HTR4: variants seen among roughly 807,000 people sequenced by gnomAD.
HTR4 encodes 5-hydroxytryptamine receptor 4.
In HTR4, 16 loss-of-function variants were observed where a neutral mutation model predicts 36.8. The ratio of observed to expected loss-of-function variants is 0.43; its 90% confidence interval spans 0.29 to 0.66. The LOEUF is 0.66. HTR4 is among the 30% of genes least tolerant of loss of function. HTR4 has a pLI of 0.13. For missense variants in HTR4, 438 were observed against 490.9 expected (o/e 0.89, Z 1.02); for synonymous variants, 189 against 185.1 (o/e 1.02, Z -0.17).
intron 2 of HTR4, among the ~76,000 whole-genome samples, chr5:148,584,598 C>T (rs1228459917): frequency 4.6e-5 from 7 of 152,314 alleles, no homozygotes; most frequent in East Asian, 1.9e-4. Context: ...TAACTACCTT[C>T]CCAATAGCCA....
intron 4 of HTR4, among the ~76,000 whole-genome samples, chr5:148,536,953 T>C (rs569200948): frequency 6.6e-6 from 1 of 152,234 alleles, no homozygotes; most frequent in Admixed American, 6.5e-5. Context: ...CATCACCACA[T>C]GGCACATACT....
chr5:148,526,090 C>T (rs566726963), intron 4 of HTR4, among the ~76,000 whole-genome samples: 117 of 152,252 alleles, frequency 7.7e-4, no homozygotes, highest in African/African-American at 2.6e-3. Flanking sequence ...GAGGGATAAT[C>T]GCCCTATTGA....
intron 3 of HTR4, 100 bp downstream of exon 3, chr5:148,550,037 T>C: frequency 8.0e-7 from 1 of 1,257,052 alleles, no homozygotes; most frequent in South Asian, 1.6e-5. Context: ...GAATGTTTTC[T>C]TTCTTAATTA....
At chr5:148,594,917 C>T (rs187047183) in intron 2 of HTR4, among the ~76,000 whole-genome samples, 32 of 152,220 alleles carry the variant, frequency 2.1e-4, no homozygotes, top group Non-Finnish European at 2.1e-4. Flanking sequence ...TTTAATGTAA[C>T]AAGTTTTCCC....
intron 5 of HTR4, 79 bp from the exon 6 acceptor site, chr5:148,510,103 G>T: frequency 1.1e-6 from 1 of 882,646 alleles, no homozygotes. Context: ...GGGAAAAATG[G>T]GGAAGAGTGT....
chr5:148,597,495 C>T (rs1349560066), intron 2 of HTR4, among the ~76,000 whole-genome samples: 5 of 152,148 alleles, frequency 3.3e-5, no homozygotes, highest in Non-Finnish European at 7.4e-5. Context: ...ATGCCTGTCT[C>T]ATTCTTCTTC....
chr5:148,649,051 CA>C (rs1227858180), intron 1 of HTR4, among the ~76,000 whole-genome samples: 2 of 152,076 alleles, frequency 1.3e-5, no homozygotes, highest in South Asian at 2.1e-4. Flanking sequence ...CTAACTAATA[CA>C]AAAGTTTTCT....
At chr5:148,517,957 A>G (rs1757841997) in intron 5 of HTR4, among the ~76,000 whole-genome samples, 1 of 150,592 alleles carries the variant, frequency 6.6e-6, no homozygotes, top group Non-Finnish European at 1.5e-5. Flanking sequence ...CCTCTCCTAC[A>G]TTTCCCTCCC....
At chr5:148,598,203 G>C (rs1367146475) in intron 2 of HTR4, among the ~76,000 whole-genome samples, 2 of 152,020 alleles carry the variant, frequency 1.3e-5, no homozygotes, top group African/African-American at 4.8e-5. Context: ...GACTGATTTG[G>C]GGGAGGTTGG....
At position 148,534,852 on chromosome 5, in the gene HTR4, G is replaced by C. The variant is rs563805665; in HGVS notation, c.354-11506C>G. Among the ~76,000 whole-genome samples the C allele has an allele frequency of 3.3e-5, 5 of 152,102 alleles. No individual in the cohort carries two copies. The East Asian group carries it at 5.8e-4, about 18-fold the overall frequency. On this transcript the variant is annotated intron_variant, in intron 4 of 6. Transcript: ENST00000377888. The stretch of plus-strand genomic sequence containing the variant: ...ACCCTTGTCCACAACCACTACTAAG[G>C]TCCCTTCCTCTGCTGCCTCCAAGTG...
At position 148,451,123 on chromosome 5, in the gene HTR4, G is replaced by T. The variant is rs1423043710; in HGVS notation, c.*62C>A. On this transcript the variant is annotated 3_prime_UTR_variant, in exon 6 of 6. Transcript: ENST00000521530. Reference sequence around the variant, plus strand: ...TGATGAGGTTCAGAAGTGATGCCAGGGTGACCTGTTCATGCAAACATGAAT... The same window carrying T: ...TGATGAGGTTCAGAAGTGATGCCAGTGTGACCTGTTCATGCAAACATGAAT... The T allele has an allele frequency of 5.0e-6, 8 of 1,609,252 alleles. No individual in the cohort carries two copies. In the East Asian group the frequency reaches 1.6e-4, roughly 31 times the overall value.
Position 148,633,366 on chromosome 5 carries a change from T to A in HTR4, c.26+3623A>T, listed in dbSNP as rs193281918. On this transcript the variant is annotated intron_variant, in intron 2 of 6. Coordinates refer to ENST00000377888, the MANE Select transcript of HTR4 (RefSeq NM_000870.7). ...CAGAGAACATAGCGCATTGTATGTATCTTACTATTAGAATTCTTTTTTTTT... is the reference window on the plus strand; with the variant it reads ...CAGAGAACATAGCGCATTGTATGTAACTTACTATTAGAATTCTTTTTTTTT... Among the ~76,000 whole-genome samples the A allele has an allele frequency of 2.1e-3, 322 of 150,288 alleles. 2 individuals carry two copies. Among genetic ancestry groups the A allele is most frequent in the Middle Eastern group, 0.014 (4 of 292 alleles).
intron 2 of HTR4, among the ~76,000 whole-genome samples, chr5:148,578,653 T>G (rs1206000627): frequency 6.6e-5 from 10 of 152,094 alleles, no homozygotes; most frequent in Admixed American, 1.3e-4. Context: ...CTTCAAATCC[T>G]GGAGTCAATA....
chr5:148,550,430 A>G (rs1179189105), intron 2 of HTR4, among the ~76,000 whole-genome samples, 168 bp from the exon 3 acceptor site: 1 of 152,172 alleles, frequency 6.6e-6, no homozygotes, highest in African/African-American at 2.4e-5. Context: ...GTCGCTTGAC[A>G]TTTTATCCTG....
At chr5:148,646,780 A>G (rs897600274) in intron 1 of HTR4, among the ~76,000 whole-genome samples, 2 of 152,188 alleles carry the variant, frequency 1.3e-5, no homozygotes, top group South Asian at 2.1e-4. Flanking sequence ...ACATCACGCT[A>G]TCAGGAGGTT....
At chr5:148,592,289 C>CG (rs1761603165) in intron 2 of HTR4, among the ~76,000 whole-genome samples, 1 of 152,160 alleles carries the variant, frequency 6.6e-6, no homozygotes, top group African/African-American at 2.4e-5. Context: ...GGGTACTGGG[C>CG]TTAATTACTA....
At chr5:148,490,304 T>C (rs1477236842) in intron 6 of HTR4, among the ~76,000 whole-genome samples, 2 of 151,818 alleles carry the variant, frequency 1.3e-5, no homozygotes, top group African/African-American at 2.4e-5. Context: ...TAAGCATCTA[T>C]GGAGATATTT....
At chr5:148,638,363 T>C (rs957869909) in intron 1 of HTR4, among the ~76,000 whole-genome samples, 1 of 152,218 alleles carries the variant, frequency 6.6e-6, no homozygotes, top group African/African-American at 2.4e-5. Context: ...AATAATATTT[T>C]GCTGGAAATA....
chr5:148,523,346 C>T lies in HTR4; in HGVS notation c.354G>A (p.Arg118=). The T allele has an allele frequency of 1.9e-6, 3 of 1,605,040 alleles. No individual in the cohort carries two copies. The highest frequency in any genetic ancestry group is 2.5e-6 in the Non-Finnish European group (3 of 1,176,642). Residue 118 remains arginine (R), a splice_region_variant and synonymous_variant, in exon 5 of 7, where the codon AGG becomes AGA. Coordinates refer to ENST00000377888, the MANE Select transcript of HTR4 (RefSeq NM_000870.7). The part of the protein sequence containing the change: ...IFHLCCISLD[R]YYAICCQPLV... ...AAGGCTGGCAGCAGATGGCGTAATA[C>T]CTGGAGAGAGAATAGAGGGCAGAGC...
Sources: gnomAD v4.1 joint callset for allele counts (sites outside exome capture counted in the v4.1 genomes callset) on GRCh38, gnomAD v4.1.1 for gene constraint, MANE v1.5 for transcripts, NCBI Gene and HGNC (gene_info 2026-07-23, HGNC 2026-07-21) for gene names.